PTPRK: variants seen among roughly 807,000 people sequenced by gnomAD.
PTPRK encodes receptor-type tyrosine-protein phosphatase kappa.
A neutral mutation model predicts 178.0 loss-of-function variants in PTPRK; 75 were observed. The observed-to-expected ratio is 0.42, with a 90% CI of 0.35 to 0.51. The LOEUF (loss-of-function observed/expected upper bound fraction) is 0.51. PTPRK is among the 20% of genes least tolerant of loss of function. The pLI is 0.02. For synonymous variants in PTPRK, 637 were observed against 620.6 expected (o/e 1.03, Z -0.39); for missense variants, 1,441 against 1,797.8 (o/e 0.80, Z 3.59).
chr6:128,344,686 T>TC (rs955878311), intron 2 of PTPRK, among the ~76,000 whole-genome samples: 1 of 151,986 alleles, frequency 6.6e-6, no homozygotes, highest in African/African-American at 2.4e-5. Context: ...GACAAATTTT[T>TC]TTGTATTTTT....
At chr6:128,049,141 A>C (rs1047701922) in intron 13 of PTPRK, among the ~76,000 whole-genome samples, 1 of 152,146 alleles carries the variant, frequency 6.6e-6, no homozygotes. Context: ...AAATTTTTCC[A>C]TTCTATCAGA....
At chr6:128,086,588 G>A (rs777179908) in intron 8 of PTPRK, among the ~76,000 whole-genome samples, 2 of 152,064 alleles carry the variant, frequency 1.3e-5, no homozygotes, top group Admixed American at 1.3e-4. Flanking sequence ...TATGTATACA[G>A]GGCAGCAATA....
At chr6:128,433,442 C>T (rs1002579396) in intron 1 of PTPRK, among the ~76,000 whole-genome samples, 1 of 152,094 alleles carries the variant, frequency 6.6e-6, no homozygotes, top group African/African-American at 2.4e-5. Flanking sequence ...CCTGCTGTTG[C>T]AAATGACCGG....
intron 7 of PTPRK, among the ~76,000 whole-genome samples, chr6:128,139,839 A>G (rs1312778076): frequency 6.6e-6 from 1 of 151,992 alleles, no homozygotes; most frequent in Admixed American, 6.6e-5. Context: ...CTTGGTTTCA[A>G]TTCTATACTT....
intron 3 of PTPRK, among the ~76,000 whole-genome samples, chr6:128,293,931 A>G (rs889668654): frequency 6.6e-6 from 1 of 152,144 alleles, no homozygotes; most frequent in African/African-American, 2.4e-5. Flanking sequence ...GGACTCAAGC[A>G]GACAGTAACG....
At chr6:128,104,458 G>A (rs767098176) in intron 7 of PTPRK, among the ~76,000 whole-genome samples, 2 of 152,180 alleles carry the variant, frequency 1.3e-5, no homozygotes, top group Non-Finnish European at 1.5e-5. Flanking sequence ...TCCTAACCTC[G>A]TGATCCGCCT....
chr6:128,464,658 T>TATACATATAC (rs1562577054), intron 1 of PTPRK, among the ~76,000 whole-genome samples: 1 of 116,652 alleles, frequency 8.6e-6, no homozygotes, highest in African/African-American at 3.2e-5. Context: ...TATATATATA[T>TATACATATAC]ATATATATAT....
intron 7 of PTPRK, among the ~76,000 whole-genome samples, chr6:128,109,483 G>A (rs1790282746): frequency 6.6e-6 from 1 of 152,044 alleles, no homozygotes; most frequent in African/African-American, 2.4e-5. Context: ...GGTTCATCAA[G>A]ACTAAAAATG....
intron 7 of PTPRK, among the ~76,000 whole-genome samples, chr6:128,094,947 G>C (rs182019333): frequency 7.8e-4 from 119 of 152,262 alleles, no homozygotes; most frequent in African/African-American, 2.3e-3. Flanking sequence ...AAACGGAACA[G>C]AAACAGAGAT....
chr6:128,307,190 T>TACAC (rs377120617), intron 3 of PTPRK, among the ~76,000 whole-genome samples: 3 of 146,708 alleles, frequency 2.0e-5, no homozygotes, highest in Non-Finnish European at 4.5e-5. Context: ...GATATATACA[T>TACAC]ACACACACAC....
In PTPRK at chr6:128,013,442, G is replaced by A. The variant is rs187451321; in HGVS notation, c.2195-4174C>T. 5.9e-5 allele frequency among the ~76,000 whole-genome samples: 9 copies of A among 151,490 alleles called. No homozygotes were observed. In the East Asian group the frequency reaches 1.6e-3, roughly 26 times the overall value. The stretch of plus-strand genomic sequence containing the variant: ...AGTCATGTGATTAATATGTCTTCAC[G>A]TCAATGTATGACAGTCACCTTAAGC... On this transcript the variant is annotated intron_variant, in intron 13 of 29. Transcript: ENST00000368226.
chr6:128,084,634 T>C (rs1254111926), intron 8 of PTPRK, among the ~76,000 whole-genome samples: 2 of 152,186 alleles, frequency 1.3e-5, no homozygotes, highest in Admixed American at 1.3e-4. Context: ...TCATACACAA[T>C]GACAACACTG....
intron 13 of PTPRK, among the ~76,000 whole-genome samples, chr6:128,013,373 T>C (rs903036846): frequency 5.9e-5 from 9 of 151,450 alleles, no homozygotes; most frequent in Admixed American, 4.0e-4. Flanking sequence ...CTCTAATCGA[T>C]ATATCTCTGA....
intron 1 of PTPRK, among the ~76,000 whole-genome samples, chr6:128,449,941 CA>C (rs5879890): frequency 0.73 from 94,063 of 128,360 alleles, 33,623 homozygotes; most frequent in South Asian, 0.8. Context: ...ACTAAAAATG[CA>C]AAAAAAAAAA....
chr6:128,470,749 CTTTTTTTTTT>C (rs11361160), intron 1 of PTPRK, among the ~76,000 whole-genome samples: 1 of 114,240 alleles, frequency 8.8e-6, no homozygotes, highest in Non-Finnish European at 1.8e-5. Flanking sequence ...ATATCTCTCT[CTTTTTTTTTT>C]TTTTTTTTTT....
At chr6:128,131,427 C>T (rs1794223645) in intron 7 of PTPRK, among the ~76,000 whole-genome samples, 1 of 152,132 alleles carries the variant, frequency 6.6e-6, no homozygotes, top group Non-Finnish European at 1.5e-5. Context: ...CTCTAGTCTG[C>T]ATCTACTTGG....
chr6:128,427,531 T>C (rs1844297309), intron 1 of PTPRK, among the ~76,000 whole-genome samples: 1 of 152,186 alleles, frequency 6.6e-6, no homozygotes, highest in African/African-American at 2.4e-5. Flanking sequence ...CTGTGCTCCT[T>C]CCCAGACAAA....
chr6:128,109,237 C>T (rs1372166424), intron 7 of PTPRK, among the ~76,000 whole-genome samples: 3 of 152,056 alleles, frequency 2.0e-5, no homozygotes, highest in Non-Finnish European at 4.4e-5. Context: ...TTACAAGTTT[C>T]AAAAGTTTGA....
intron 8 of PTPRK, among the ~76,000 whole-genome samples, chr6:128,088,913 A>G (rs1293115447): frequency 6.6e-6 from 1 of 152,186 alleles, no homozygotes; most frequent in Non-Finnish European, 1.5e-5. Flanking sequence ...ATTTAGACTC[A>G]CATAAAACCA....
Sources: gnomAD v4.1 joint callset for allele counts (sites outside exome capture counted in the v4.1 genomes callset) on GRCh38, gnomAD v4.1.1 for gene constraint, MANE v1.5 for transcripts, NCBI Gene and HGNC (gene_info 2026-07-23, HGNC 2026-07-21) for gene names.